SLC25A48: variants seen among roughly 807,000 people sequenced by gnomAD.
SLC25A48 encodes solute carrier family 25 member 48, also known as CTC-321K16.1.
SLC25A48 carries 29 observed loss-of-function variants against 32.2 expected under a neutral mutation model. The observed-to-expected ratio is 0.90, with a 90% confidence interval of 0.67 to 1.23. The LOEUF is 1.23. Ranked by LOEUF, SLC25A48 falls within the 50% of genes most tolerant of loss-of-function variation. SLC25A48 has a pLI of 0.00. For synonymous variants in SLC25A48, 164 were observed against 172.3 expected (o/e 0.95, Z 0.38); for missense variants, 399 against 422.7 (o/e 0.94, Z 0.49).
intron 1 of SLC25A48, among the ~76,000 whole-genome samples, chr5:135,616,931 G>A (rs925341248): frequency 2.0e-5 from 3 of 152,084 alleles, no homozygotes; most frequent in Admixed American, 6.5e-5. Context: ...TTTTTGTTGT[G>A]TCCTTATCTG....
At chr5:135,729,529 AGTTGT>A (rs1561466464) in intron 3 of SLC25A48, among the ~76,000 whole-genome samples, 27 of 152,216 alleles carry the variant, frequency 1.8e-4, no homozygotes, top group Non-Finnish European at 7.3e-5. Flanking sequence ...GTCATCTGTA[AGTTGT>A]CAGCCTAAAA....
At chr5:135,883,261 A>G (rs904585376) in intron 7 of SLC25A48, 1 of 985,456 alleles carries the variant, frequency 1.0e-6, no homozygotes, top group Non-Finnish European at 1.2e-6. Context: ...GAGGGATTCA[A>G]CTGACCATTG....
chr5:135,815,904 A>T (rs55857359), intron 4 of SLC25A48, among the ~76,000 whole-genome samples: 6,145 of 152,278 alleles, frequency 0.04, 264 homozygotes, highest in African/African-American at 0.1. Flanking sequence ...ATCATGGCTT[A>T]GATGTTGTAT....
chr5:135,836,960 C>CCA (rs1758562609), intron 1 of SLC25A48, among the ~76,000 whole-genome samples: 1 of 13,410 alleles, frequency 7.5e-5, no homozygotes, highest in African/African-American at 2.0e-4. Context: ...TTGATATTAT[C>CCA]CCCCCCCCCA....
intron 3 of SLC25A48, among the ~76,000 whole-genome samples, chr5:135,739,643 G>T (rs930250431): frequency 9.2e-5 from 14 of 152,222 alleles, no homozygotes; most frequent in Non-Finnish European, 1.5e-4. Context: ...TGGATTTAGG[G>T]CAGGGAGAAA....
rs116475258 is a variant in SLC25A48 at position 135,632,254 on chromosome 5, C to T, written c.-708-2515C>T. On this transcript the variant is annotated intron_variant, in intron 2 of 10. Coordinates refer to the SLC25A48 transcript ENST00000646290. The stretch of plus-strand genomic sequence containing the variant: ...CACTAAAAGGTTTCATGCAGGAAAG[C>T]GGCAAGGAAGTTTGCTGTCTTAGAA... 6.2e-3 allele frequency among the ~76,000 whole-genome samples: 938 copies of T among 152,256 alleles called. 13 individuals carry two copies. Among genetic ancestry groups the T allele is most frequent in the African/African-American group, 0.021 (891 of 41,542 alleles).
chr5:135,607,212 A>G (rs958739298), intron 1 of SLC25A48, among the ~76,000 whole-genome samples: 6 of 152,188 alleles, frequency 3.9e-5, no homozygotes, highest in Non-Finnish European at 7.3e-5. Context: ...TCCTTCCCCT[A>G]CATTCTTACA....
intron 4 of SLC25A48, among the ~76,000 whole-genome samples, chr5:135,813,786 G>GGGAGAGA (rs1217971246): frequency 2.6e-5 from 4 of 152,152 alleles, no homozygotes; most frequent in Non-Finnish European, 5.9e-5. Context: ...TGGGAAAAAG[G>GGGAGAGA]GGAGAGAGGA....
chr5:135,700,936 G>T (rs1754380728), intron 3 of SLC25A48, among the ~76,000 whole-genome samples: 1 of 152,208 alleles, frequency 6.6e-6, no homozygotes, highest in Non-Finnish European at 1.5e-5. Flanking sequence ...ATAAATCGCA[G>T]AGGGCCTGGG....
At chr5:135,595,581 C>G (rs1751630730) in intron 1 of SLC25A48, among the ~76,000 whole-genome samples, 1 of 152,150 alleles carries the variant, frequency 6.6e-6, no homozygotes, top group African/African-American at 2.4e-5. Flanking sequence ...GTTTGTGGGA[C>G]TGTTGTGTGG....
At chr5:135,719,658 A>G (rs1754900647) in intron 3 of SLC25A48, among the ~76,000 whole-genome samples, 1 of 152,086 alleles carries the variant, frequency 6.6e-6, no homozygotes, top group Non-Finnish European at 1.5e-5. Context: ...GAGAGGGAGG[A>G]CTGGGAGTAA....
At chr5:135,747,335 C>T (rs1453867949) in intron 3 of SLC25A48, among the ~76,000 whole-genome samples, 2 of 148,546 alleles carry the variant, frequency 1.3e-5, no homozygotes, top group African/African-American at 5.0e-5. Context: ...TGGAGTCTCA[C>T]TATGGATTCC....
intron 2 of SLC25A48, among the ~76,000 whole-genome samples, chr5:135,850,051 G>A (rs1452554998): frequency 6.6e-6 from 1 of 152,188 alleles, no homozygotes; most frequent in Non-Finnish European, 1.5e-5. Flanking sequence ...CTAGGGTGGT[G>A]GTTCTAGGGA....
intron 3 of SLC25A48, among the ~76,000 whole-genome samples, chr5:135,737,388 C>A (rs1329953682): frequency 6.6e-6 from 1 of 152,082 alleles, no homozygotes; most frequent in Non-Finnish European, 1.5e-5. Flanking sequence ...AGGCCATTTT[C>A]ACTTCTTTTG....
intron 3 of SLC25A48, among the ~76,000 whole-genome samples, chr5:135,688,057 C>T (rs1443431617): frequency 1.0e-4 from 1 of 9,932 alleles, no homozygotes; most frequent in Non-Finnish European, 3.2e-4. Context: ...GCCCCAGCAA[C>T]CGCCAAGTCT....
At chr5:135,621,603 T>C (rs1752326138) in intron 1 of SLC25A48, among the ~76,000 whole-genome samples, 1 of 152,160 alleles carries the variant, frequency 6.6e-6, no homozygotes, top group Non-Finnish European at 1.5e-5. Flanking sequence ...TCAAGTGGGA[T>C]ATAGGAATGT....
chr5:135,638,495 G>A (rs1457442691), intron 3 of SLC25A48, among the ~76,000 whole-genome samples: 2 of 152,200 alleles, frequency 1.3e-5, no homozygotes, highest in Admixed American at 1.3e-4. Flanking sequence ...GAGTAACAAG[G>A]CTTTACAAGA....
At chr5:135,830,195 C>G (rs542456003), upstream of SLC25A48, among the ~76,000 whole-genome samples, 1 of 152,286 alleles carries the variant, frequency 6.6e-6, no homozygotes, top group African/African-American at 2.4e-5. Context: ...CAGTGCCAGG[C>G]AAACCGGGCC....
chr5:135,681,882 G>T (rs956970341), intron 3 of SLC25A48, among the ~76,000 whole-genome samples: 1 of 152,056 alleles, frequency 6.6e-6, no homozygotes, highest in East Asian at 1.9e-4. Context: ...TTCCACTCTG[G>T]CATAGGAACA....
Sources: allele counts gnomAD v4.1 joint callset (sites outside exome capture counted in the v4.1 genomes callset), GRCh38; gene constraint gnomAD v4.1.1; transcripts MANE v1.5; gene names NCBI Gene and HGNC (gene_info 2026-07-23, HGNC 2026-07-21).